NXPE2: variants seen among roughly 807,000 people sequenced by gnomAD.
NXPE2 encodes neurexophilin and PC-esterase domain family member 2.
A neutral mutation model predicts 34.4 loss-of-function variants in NXPE2; 34 were observed. The observed-to-expected ratio is 0.99, with a 90% confidence interval of 0.75 to 1.31. NXPE2 has a LOEUF of 1.31. NXPE2 is among the 40% of genes most tolerant of loss of function. The pLI is 0.00. For synonymous variants in NXPE2, 235 were observed against 231.3 expected, an observed-to-expected ratio of 1.02 and a Z score of -0.15; for missense variants, 649 against 672.5, an observed-to-expected ratio of 0.97 and a Z score of 0.39.
the NXPE2 span, chr11:114,551,155 G>C: frequency 6.5e-7 from 1 of 1,535,094 alleles, no homozygotes; most frequent in African/African-American, 1.4e-5. Context: ...TACTGAAAAA[G>C]AGATCAAGAT....
the NXPE2 span, among the ~76,000 whole-genome samples, chr11:114,483,016 T>G: frequency 3.9e-5 from 6 of 152,226 alleles, no homozygotes; most frequent in Middle Eastern, 3.2e-3. Context: ...TCACAAAGTT[T>G]CTACTTAGGA....
the NXPE2 span, among the ~76,000 whole-genome samples, chr11:114,752,196 T>C: frequency 2.0e-5 from 3 of 152,168 alleles, no homozygotes; most frequent in Admixed American, 2.0e-4. Context: ...AGAACAAATA[T>C]GAAGCCCCTG....
At chr11:114,495,286 C>T in the NXPE2 span, among the ~76,000 whole-genome samples, 1 of 152,002 alleles carries the variant, frequency 6.6e-6, no homozygotes, top group South Asian at 2.1e-4. Context: ...GCCAGGCTTA[C>T]GTCCTTCCTC....
chr11:114,518,118 A>G, the NXPE2 span: 1,690 of 152,344 alleles, frequency 0.011, 18 homozygotes, highest in Non-Finnish European at 0.018. Flanking sequence ...GCTCTCTGCT[A>G]TTTGGTGCTT....
At chr11:114,788,754 G>A in the NXPE2 span, among the ~76,000 whole-genome samples, 1 of 152,164 alleles carries the variant, frequency 6.6e-6, no homozygotes. Flanking sequence ...CTTCTTTAGG[G>A]TGAGCTCTTT....
chr11:114,521,862 T>C, the NXPE2 span: 1 of 889,096 alleles, frequency 1.1e-6, no homozygotes, highest in Admixed American at 2.6e-5. Context: ...CAGATTCTTT[T>C]AAATTTATTT....
the NXPE2 span, among the ~76,000 whole-genome samples, chr11:114,596,940 T>C: frequency 6.6e-6 from 1 of 152,226 alleles, no homozygotes; most frequent in Non-Finnish European, 1.5e-5. Context: ...GCAGGTCATC[T>C]GATGAGCTTT....
At chr11:114,675,925 AG>A (rs1950853688), upstream of NXPE2, among the ~76,000 whole-genome samples, 1 of 151,982 alleles carries the variant, frequency 6.6e-6, no homozygotes. Flanking sequence ...AACCAAATAG[AG>A]ACCCCAGAAA....
chr11:114,533,210 A>T, the NXPE2 span, among the ~76,000 whole-genome samples: 1 of 152,236 alleles, frequency 6.6e-6, no homozygotes, highest in African/African-American at 2.4e-5. Flanking sequence ...AACCAGAGTT[A>T]GCAAATTATT....
At chr11:114,626,488 A>T in the NXPE2 span, among the ~76,000 whole-genome samples, 2 of 152,326 alleles carry the variant, frequency 1.3e-5, no homozygotes, top group East Asian at 3.9e-4. Context: ...AGGAAAACTA[A>T]CAGAAAGGAC....
chr11:114,507,529 A>G, the NXPE2 span, among the ~76,000 whole-genome samples: 392 of 152,316 alleles, frequency 2.6e-3, 1 homozygote, highest in African/African-American at 8.9e-3. Flanking sequence ...CAGCACATCA[A>G]AAAGCTTATC....
At chr11:114,532,321 C>T in the NXPE2 span, among the ~76,000 whole-genome samples, 30 of 152,078 alleles carry the variant, frequency 2.0e-4, no homozygotes, top group Middle Eastern at 3.4e-3. Flanking sequence ...AATAGAGATG[C>T]AAATAAATGA....
chr11:114,523,965 A>G, the NXPE2 span, among the ~76,000 whole-genome samples: 1 of 152,256 alleles, frequency 6.6e-6, no homozygotes, highest in African/African-American at 2.4e-5. Flanking sequence ...TTTCTGTCTC[A>G]CATAACAGGC....
the NXPE2 span, among the ~76,000 whole-genome samples, chr11:114,777,585 G>T: frequency 6.6e-6 from 1 of 152,154 alleles, no homozygotes; most frequent in African/African-American, 2.4e-5. Flanking sequence ...CCATGAGTTG[G>T]AGGGCTGGGT....
At chr11:114,803,097 G>A in the NXPE2 span, among the ~76,000 whole-genome samples, 5 of 152,216 alleles carry the variant, frequency 3.3e-5, no homozygotes, top group Non-Finnish European at 7.3e-5. Flanking sequence ...CCTGCAACAG[G>A]CTCAGCCAAG....
At chr11:114,504,840 T>C in the NXPE2 span, among the ~76,000 whole-genome samples, 4 of 152,176 alleles carry the variant, frequency 2.6e-5, no homozygotes, top group Non-Finnish European at 4.4e-5. Flanking sequence ...CTCCAAAGGA[T>C]AGCATCATCT....
chr11:114,778,502 C>CTTAT, the NXPE2 span, among the ~76,000 whole-genome samples: 136 of 152,224 alleles, frequency 8.9e-4, 1 homozygote, highest in African/African-American at 3.1e-3. Context: ...CAGTGAGGAG[C>CTTAT]TTATTTGTAA....
chr11:114,795,784 T>A, the NXPE2 span, among the ~76,000 whole-genome samples: 1 of 152,234 alleles, frequency 6.6e-6, no homozygotes, highest in Non-Finnish European at 1.5e-5. Flanking sequence ...AAGACTGCAA[T>A]GATAGCACCT....
chr11:114,803,651 A>G, the NXPE2 span, among the ~76,000 whole-genome samples: 318 of 151,148 alleles, frequency 2.1e-3, 6 homozygotes, highest in Admixed American at 0.019. Context: ...ATCTGGGTTC[A>G]CTGCAACCTC....
Sources: gnomAD v4.1 joint callset for allele counts (sites outside exome capture counted in the v4.1 genomes callset) on GRCh38, gnomAD v4.1.1 for gene constraint, MANE v1.5 for transcripts, NCBI Gene and HGNC (gene_info 2026-07-23, HGNC 2026-07-21) for gene names.